USP32: variants seen among roughly 807,000 people sequenced by gnomAD.
USP32 encodes the protein ubiquitin specific peptidase 32, also known as ubiquitin carboxyl-terminal hydrolase 32.
A neutral mutation model predicts 204.8 loss-of-function variants in USP32; 59 were observed. The ratio of observed to expected loss-of-function variants is 0.29; its 90% confidence interval spans 0.23 to 0.36. USP32 has a LOEUF of 0.36. Ranked by LOEUF, USP32 falls within the 10% of genes least tolerant of loss-of-function variation. The probability of loss-of-function intolerance (pLI) is 1.00; values close to 1 mark genes in which losing one functional copy is unlikely to be tolerated. For synonymous variants in USP32, 517 were observed against 678.4 expected (o/e 0.76, Z 3.70); for missense variants, 1,160 against 1,946.4 (o/e 0.60, Z 7.60).
At chr17:60,309,569 T>TC (rs1555612199) in intron 2 of USP32, among the ~76,000 whole-genome samples, 1 of 152,116 alleles carries the variant, frequency 6.6e-6, no homozygotes, top group Non-Finnish European at 1.5e-5. Flanking sequence ...ACTACTGCTC[T>TC]CCAGTGTGGG....
intron 2 of USP32, among the ~76,000 whole-genome samples, chr17:60,325,022 T>C (rs1326246815): frequency 6.6e-6 from 1 of 151,884 alleles, no homozygotes; most frequent in Non-Finnish European, 1.5e-5. Flanking sequence ...CAAAAAACTG[T>C]TGGAAGGTTT....
chr17:60,345,520 C>T lies in USP32; in HGVS notation c.147G>A (p.Arg49=). ...SYYMGQHCFI[R]EVLGDGVPPK... ...GAGGCACTCCATCCCCAAGCACTTCCCGGATGAAGCAGTGCTGGCCCATGT... is the reference window on the plus strand; with the variant it reads ...GAGGCACTCCATCCCCAAGCACTTCTCGGATGAAGCAGTGCTGGCCCATGT... The change falls in exon 2 of 34, where the codon CGG becomes CGA. Residue 49 remains arginine (R), a synonymous_variant. Transcript: ENST00000300896. The T allele has an allele frequency of 6.2e-7, 1 of 1,614,208 alleles. No homozygotes were observed. Among genetic ancestry groups the T allele is most frequent in the Non-Finnish European group, 8.5e-7 (1 of 1,180,044 alleles).
upstream of USP32, among the ~76,000 whole-genome samples, chr17:60,393,834 G>A (rs553645438): frequency 2.0e-5 from 3 of 152,160 alleles, no homozygotes; most frequent in East Asian, 1.9e-4. Flanking sequence ...ACAGGCATGC[G>A]CCACCATGCC....
At chr17:60,353,388 C>T (rs565366141) in intron 1 of USP32, among the ~76,000 whole-genome samples, 23 of 152,168 alleles carry the variant, frequency 1.5e-4, no homozygotes, top group African/African-American at 5.5e-4. Context: ...TGATGGTAGC[C>T]CAAGCTGACT....
intron 6 of USP32, among the ~76,000 whole-genome samples, chr17:60,270,440 T>C (rs1567817449): frequency 6.6e-6 from 1 of 152,078 alleles, no homozygotes; most frequent in Non-Finnish European, 1.5e-5. Flanking sequence ...TTTTAAAAGG[T>C]GAGAGCTGGA....
chr17:60,210,558 C>T (rs376429066), intron 21 of USP32, among the ~76,000 whole-genome samples: 60 of 152,338 alleles, frequency 3.9e-4, no homozygotes, highest in East Asian at 1.9e-3. Context: ...CCACCCACCT[C>T]GGCCTCCCAA....
At chr17:60,250,259 T>C (rs1598142096) in intron 11 of USP32, among the ~76,000 whole-genome samples, 2 of 152,192 alleles carry the variant, frequency 1.3e-5, no homozygotes, top group East Asian at 3.9e-4. Flanking sequence ...CCAGATGAGA[T>C]AATGTAACTA....
chr17:60,255,765 T>C (rs2086286392), intron 9 of USP32, among the ~76,000 whole-genome samples: 1 of 152,236 alleles, frequency 6.6e-6, no homozygotes, highest in Non-Finnish European at 1.5e-5. Flanking sequence ...CATATATGGT[T>C]GGTAAAATTC....
At chr17:60,226,368 A>G (rs2085388104) in intron 12 of USP32, 137 bp from the exon 13 acceptor site, 1 of 712,898 alleles carries the variant, frequency 1.4e-6, no homozygotes, top group Non-Finnish European at 2.1e-6. Flanking sequence ...ACATTCTAAT[A>G]CATAGCTATA....
At chr17:60,186,938 T>C (rs990061702) in intron 29 of USP32, among the ~76,000 whole-genome samples, 1 of 152,108 alleles carries the variant, frequency 6.6e-6, no homozygotes, top group Non-Finnish European at 1.5e-5. Flanking sequence ...AATGCTATCA[T>C]GAGACTTCAC....
chr17:60,210,149 G>A (rs1259130506), intron 21 of USP32, among the ~76,000 whole-genome samples: 1 of 152,010 alleles, frequency 6.6e-6, no homozygotes, highest in Non-Finnish European at 1.5e-5. Context: ...CAAGAGGTAA[G>A]TAGTCAAATG....
Position 60,213,625 on chromosome 17 carries a change from A to C in USP32, c.2060T>G (p.Leu687Trp). ...LTLLDDEDHKLEYLKIQDEQH... is the reference protein window; with the variant it reads ...LTLLDDEDHKWEYLKIQDEQH... ...TTCATCCTGGATTTTCAAATATTCC[A>C]ATTTATGATCCTCATCATCCAGAAG... is the stretch of plus-strand genomic sequence containing the variant. Residue 687 changes from leucine to tryptophan, a missense_variant, in exon 18 of 34, where the codon TTG becomes TGG. Leu to Trp is a moderately conservative substitution (Grantham distance 61). Transcript: ENST00000300896. The C allele has an allele frequency of 7.2e-7, 1 of 1,388,774 alleles. No individual in the cohort carries two copies. Among genetic ancestry groups the C allele is most frequent in the Non-Finnish European group, 9.7e-7 (1 of 1,027,978 alleles). 86.0% of individuals were successfully genotyped at this position (1,388,774 alleles called of 1,614,324 possible).
At chr17:60,198,517 G>A (rs1598049638) in intron 26 of USP32, 73 bp from the exon 27 acceptor site, 1 of 1,548,634 alleles carries the variant, frequency 6.5e-7, no homozygotes, top group Non-Finnish European at 8.8e-7. Flanking sequence ...TCTTCTAAAT[G>A]CCTGCCAATG....
chr17:60,229,769 T>G (rs2085493659), intron 12 of USP32, among the ~76,000 whole-genome samples: 1 of 152,234 alleles, frequency 6.6e-6, no homozygotes, highest in African/African-American at 2.4e-5. Context: ...TTATACTCAC[T>G]TCTATATTCC....
Position 60,271,495 on chromosome 17 carries a change from CA to C in USP32, c.572-15del. ...CTGATTCCTCCACTAAGGGTCAAAT[CA>C]AAAAAGATTATAAAACCTCAGAATT... On this transcript the variant is annotated splice_polypyrimidine_tract_variant and intron_variant, in intron 5 of 33. Coordinates refer to ENST00000300896, the MANE Select transcript of USP32 (RefSeq NM_032582.4). 1 of 1,608,586 alleles carries C rather than the reference CA, an allele frequency of 6.2e-7. No homozygotes were observed. The highest frequency in any genetic ancestry group is 1.7e-5 in the Admixed American group (1 of 58,932).
At chr17:60,218,591 T>C (rs1037973537) in intron 16 of USP32, among the ~76,000 whole-genome samples, 2 of 151,792 alleles carry the variant, frequency 1.3e-5, no homozygotes, top group Non-Finnish European at 2.9e-5. Flanking sequence ...TTTGTGTAAA[T>C]GGTTGCTCAT....
At chr17:60,386,106 GT>G (rs2089726780) in intron 1 of USP32, among the ~76,000 whole-genome samples, 1 of 152,014 alleles carries the variant, frequency 6.6e-6, no homozygotes, top group Non-Finnish European at 1.5e-5. Context: ...CCAGGCTTTT[GT>G]GCCAATAATT....
chr17:60,398,557 A>G lies in USP32; in HGVS notation c.106+23689T>C, dbSNP rs542423298. Among the ~76,000 whole-genome samples, 4 of 152,172 alleles carry G rather than the reference A, an allele frequency of 2.6e-5. No individual in the cohort carries two copies. In the South Asian group the frequency reaches 8.3e-4, roughly 31 times the overall value. ...GGCAAGCCCCTCATGCCTATTTAAC[A>G]TCTTCCCACTACCCTAACAATTGAG... On this transcript the variant is annotated intron_variant, in intron 1 of 3. Transcript: ENST00000588898.
upstream of USP32, chr17:60,392,621 T>C (rs2146148575): frequency 2.2e-6 from 1 of 451,776 alleles, no homozygotes; most frequent in Admixed American, 2.4e-5. Context: ...ATGCGGCATA[T>C]GGCTCAGAAG....
Sources: allele counts gnomAD v4.1 joint callset (sites outside exome capture counted in the v4.1 genomes callset), GRCh38; gene constraint gnomAD v4.1.1; transcripts MANE v1.5; gene names NCBI Gene and HGNC (gene_info 2026-07-23, HGNC 2026-07-21).